The following RABEPK variants were observed in gnomAD, a reference collection of about 807,000 sequenced individuals.
The protein encoded by RABEPK is 40 kDa Rab9 effector protein.
In RABEPK, 27 loss-of-function variants were observed where a neutral mutation model predicts 34.1. The ratio of observed to expected loss-of-function variants is 0.79; its 90% CI spans 0.58 to 1.09. RABEPK has a LOEUF of 1.09. Among genes scored for constraint, RABEPK ranks in the 50% least tolerant of loss-of-function variants. The pLI is 0.00. For missense variants in RABEPK, 449 were observed against 462.6 expected, an observed-to-expected ratio of 0.97 and a Z score of 0.27; for synonymous variants, 172 against 169.2, an observed-to-expected ratio of 1.02 and a Z score of -0.13.
At chr9:125,222,831 A>G (rs1189888811) in intron 5 of RABEPK, among the ~76,000 whole-genome samples, 1 of 152,116 alleles carries the variant, frequency 6.6e-6, no homozygotes, top group Non-Finnish European at 1.5e-5. Context: ...AGCATTTTGA[A>G]ATGATGATTA....
At chr9:125,219,917 T>C (rs1489513349) in intron 4 of RABEPK, among the ~76,000 whole-genome samples, 1 of 152,058 alleles carries the variant, frequency 6.6e-6, no homozygotes. Flanking sequence ...TGTTAGCAGA[T>C]GTTAGGGGGA....
intron 1 of RABEPK, among the ~76,000 whole-genome samples, chr9:125,201,429 T>C (rs1335505462): frequency 6.6e-6 from 1 of 152,202 alleles, no homozygotes; most frequent in Non-Finnish European, 1.5e-5. Flanking sequence ...CTTTCTATGC[T>C]ATGTTGAGGC....
At chr9:125,208,378 T>C (rs922956114) in intron 3 of RABEPK, among the ~76,000 whole-genome samples, 3 of 152,178 alleles carry the variant, frequency 2.0e-5, no homozygotes, top group African/African-American at 7.2e-5. Flanking sequence ...TGTTTTTTGT[T>C]TTTGTTTTTT....
intron 7 of RABEPK, 51 bp downstream of exon 7, chr9:125,232,796 A>C (rs1287033898): frequency 6.4e-7 from 1 of 1,564,668 alleles, no homozygotes; most frequent in Non-Finnish European, 8.7e-7. Context: ...CATTCTTTGA[A>C]ACGTGATGCG....
chr9:125,213,276 G>A, intron 3 of RABEPK, 94 bp from the exon 4 acceptor site: 1 of 1,282,586 alleles, frequency 7.8e-7, no homozygotes, highest in Non-Finnish European at 1.1e-6. Flanking sequence ...TTTCATTTAT[G>A]TTTATGGCCC....
At chr9:125,220,208 G>A (rs1004264305) in intron 4 of RABEPK, 20 of 865,798 alleles carry the variant, frequency 2.3e-5, no homozygotes, top group South Asian at 5.1e-5. Flanking sequence ...CCCCATGTTG[G>A]CCAGGCTGGT....
At chr9:125,218,386 G>A (rs982701997) in intron 4 of RABEPK, among the ~76,000 whole-genome samples, 1 of 143,346 alleles carries the variant, frequency 7.0e-6, no homozygotes, top group Admixed American at 7.1e-5. Flanking sequence ...ACGCACATAT[G>A]CTATAACCTG....
rs1831873270 is a variant in RABEPK, at chr9:125,227,858, TG to T, written c.527-51del. On this transcript the variant is annotated intron_variant, in intron 5 of 7. Coordinates refer to ENST00000373538, the MANE Select transcript of RABEPK (RefSeq NM_005833.4). ...TACAGAGGCTTGGGCCTGTTTCTCG[TG>T]TTCTTTTTTAATAGTTTTGCCATTT... 8 of 1,481,076 alleles carry T rather than the reference TG, an allele frequency of 5.4e-6. No homozygotes were observed. In the East Asian group the frequency reaches 2.0e-4, roughly 37 times the overall value. The allele number at this position is 1,481,076 out of a possible 1,614,324, so 91.7% of individuals were successfully genotyped here. A position where few individuals can be genotyped will look rare whatever the true frequency, so the allele number is the denominator to read the frequency against.
chr9:125,217,737 G>C (rs1564185247), intron 4 of RABEPK, among the ~76,000 whole-genome samples: 1 of 152,246 alleles, frequency 6.6e-6, no homozygotes, highest in Admixed American at 6.5e-5. Context: ...TGGTGTTTGA[G>C]TTGGCAGGAA....
In RABEPK at chr9:125,203,019, G is replaced by A. The variant is rs1023279870; in HGVS notation, c.6G>A (p.Lys2=). 9 of 1,613,656 alleles carry A rather than the reference G, an allele frequency of 5.6e-6. No individual in the cohort carries two copies. Among genetic ancestry groups the A allele is most frequent in the Non-Finnish European group, 6.8e-6 (8 of 1,179,726 alleles). The part of the protein sequence containing the change: M[K]QLPVLEPGDK... ...TTTCTTATGCATAGGACACCATGAA[G>A]CAACTGCCAGTCTTGGAACCTGGAG... Residue 2 remains lysine, a synonymous_variant, in exon 2 of 8, where the codon AAG becomes AAA. Transcript: ENST00000373538.
At chr9:125,221,107 G>A (rs1374300365) in intron 5 of RABEPK, 1 of 152,864 alleles carries the variant, frequency 6.5e-6, no homozygotes, top group African/African-American at 2.4e-5. Flanking sequence ...GTTTCAGTGA[G>A]CCAAGATTGG....
intron 4 of RABEPK, 112 bp from the exon 5 acceptor site, chr9:125,220,427 G>A: frequency 1.3e-6 from 2 of 1,498,702 alleles, no homozygotes; most frequent in Non-Finnish European, 1.8e-6. Context: ...CCAAAACTAT[G>A]CTGGCCCCCC....
intron 3 of RABEPK, among the ~76,000 whole-genome samples, chr9:125,212,996 G>A (rs896189286): frequency 1.3e-5 from 2 of 152,124 alleles, no homozygotes; most frequent in South Asian, 2.1e-4. Context: ...AGAATTCAAG[G>A]ACAGGAAGTA....
chr9:125,200,580 A>G lies in RABEPK; in HGVS notation c.-333A>G, dbSNP rs896671385. On this transcript the variant is annotated 5_prime_UTR_variant, in exon 1 of 8. Coordinates refer to ENST00000373538, the MANE Select transcript of RABEPK (RefSeq NM_005833.4). The stretch of plus-strand genomic sequence containing the variant: ...GCGACTGGCCTAAGTCGCCGCAGGT[A>G]TTGCAGTCCGGGGCTGGAGGGTAGG... 2.1e-5 allele frequency: 9 copies of G among 420,360 alleles called. No individual in the cohort carries two copies. Among genetic ancestry groups the G allele is most frequent in the African/African-American group, 4.1e-5 (2 of 49,156 alleles). The allele number at this position is 420,360 out of a possible 1,614,324, so 26.0% of individuals were successfully genotyped here.
intron 7 of RABEPK, among the ~76,000 whole-genome samples, chr9:125,233,136 C>T (rs1170221695): frequency 6.6e-6 from 1 of 151,442 alleles, no homozygotes; most frequent in Non-Finnish European, 1.5e-5. Flanking sequence ...TTTGGTTCCT[C>T]TATATCTAAA....
intron 1 of RABEPK, 68 bp downstream of exon 1, chr9:125,200,974 A>T (rs1402961206): frequency 2.5e-6 from 1 of 395,624 alleles, no homozygotes; most frequent in Admixed American, 2.8e-5. Flanking sequence ...CCCCACTTCT[A>T]CTCCATGCCA....
At chr9:125,212,221 T>G (rs1413050687) in intron 3 of RABEPK, among the ~76,000 whole-genome samples, 2 of 151,804 alleles carry the variant, frequency 1.3e-5, no homozygotes, top group African/African-American at 2.4e-5. Flanking sequence ...AAGGTTAGGG[T>G]TTTTTGTTTG....
chr9:125,201,726 G>A (rs557194032), intron 1 of RABEPK, among the ~76,000 whole-genome samples: 250 of 152,050 alleles, frequency 1.6e-3, no homozygotes, highest in Non-Finnish European at 2.8e-3. Flanking sequence ...CAATTCTCAC[G>A]CCTCAGCCTC....
chr9:125,222,821 A>G (rs892567939), intron 5 of RABEPK, among the ~76,000 whole-genome samples: 2 of 152,002 alleles, frequency 1.3e-5, no homozygotes, highest in Non-Finnish European at 2.9e-5. Context: ...AGTCTTCACC[A>G]GCATTTTGAA....
Sources: allele counts gnomAD v4.1 joint callset (sites outside exome capture counted in the v4.1 genomes callset), GRCh38; gene constraint gnomAD v4.1.1; transcripts MANE v1.5; gene names NCBI Gene and HGNC (gene_info 2026-07-23, HGNC 2026-07-21).